The following GSTO2 variants were observed in gnomAD, a reference collection of about 807,000 sequenced individuals.
The protein encoded by GSTO2 is glutathione S-transferase omega-2.
Under a neutral mutation model 28.4 loss-of-function variants are expected in GSTO2, and 23 were observed. The observed-to-expected ratio is 0.81, with a 90% CI of 0.58 to 1.15. The LOEUF is 1.15. GSTO2 is among the 50% of genes most tolerant of loss of function. GSTO2 has a pLI of 0.00. For missense variants in GSTO2, 298 were observed against 297.8 expected, an observed-to-expected ratio of 1.00 and a Z score of 0.00; for synonymous variants, 109 against 111.0, an observed-to-expected ratio of 0.98 and a Z score of 0.11.
intron 5 of GSTO2, among the ~76,000 whole-genome samples, chr10:104,284,838 G>C (rs1212585049): frequency 6.6e-6 from 1 of 152,172 alleles, no homozygotes; most frequent in African/African-American, 2.4e-5. Context: ...TGAGGCTTTG[G>C]AGTTTTGCTT....
chr10:104,297,186 T>C (rs1244855702), intron 5 of GSTO2: 1 of 155,244 alleles, frequency 6.4e-6, no homozygotes, highest in Admixed American at 6.4e-5. Context: ...TGTCTTCAAG[T>C]AATGGGCAGT....
intron 3 of GSTO2, among the ~76,000 whole-genome samples, chr10:104,277,445 G>C (rs995741303): frequency 6.6e-6 from 1 of 152,052 alleles, no homozygotes; most frequent in Non-Finnish European, 1.5e-5. Flanking sequence ...CACCATGCCT[G>C]GCTACTTTTT....
chr10:104,280,009 T>G (rs190188222), intron 5 of GSTO2, among the ~76,000 whole-genome samples: 1 of 151,682 alleles, frequency 6.6e-6, no homozygotes, highest in East Asian at 1.9e-4. Flanking sequence ...CAAAAATAAT[T>G]TTAAAAATTA....
chr10:104,292,943 T>C (rs192724381), intron 5 of GSTO2, among the ~76,000 whole-genome samples: 8 of 152,374 alleles, frequency 5.3e-5, no homozygotes, highest in African/African-American at 1.9e-4. Flanking sequence ...CAGTTTATTT[T>C]GCCTCTGCCT....
rs553572445 is a variant in GSTO2 at position 104,300,460 on chromosome 10, T to C, written c.*1176T>C. On this transcript the variant is annotated 3_prime_UTR_variant, in exon 7 of 7. Transcript: ENST00000338595. ...CCCCCATCTCTCCACTTATCTTGGTTGAGGTTTTAAACCTAGCGCTTTGGA... is the reference window on the plus strand; with the variant it reads ...CCCCCATCTCTCCACTTATCTTGGTCGAGGTTTTAAACCTAGCGCTTTGGA... 1.3e-5 allele frequency: 2 copies of C among 152,420 alleles called. No individual in the cohort carries two copies. The highest frequency in any genetic ancestry group is 4.1e-4 in the South Asian group (2 of 4,830). The allele number at this position is 152,420 out of a possible 1,614,324, so 9.4% of individuals were successfully genotyped here.
chr10:104,279,401 C>T lies in GSTO2; in HGVS notation c.398C>T (p.Ala133Val), dbSNP rs369461491. The T allele has an allele frequency of 7.4e-6, 12 of 1,613,832 alleles. No homozygotes were observed. The highest frequency in any genetic ancestry group is 2.2e-5 in the East Asian group (1 of 44,890). ...CATTTGACCAAGGAGTGCCTGGTAGCGTTGAGATGTGGGAGAGAATGCACT... is the reference window on the plus strand; with the variant it reads ...CATTTGACCAAGGAGTGCCTGGTAGTGTTGAGATGTGGGAGAGAATGCACT... ...VPHLTKECLV[A>V]LRCGRECTNL... The change falls in exon 5 of 7, where the codon GCG becomes GTG. Residue 133 changes from alanine to valine, a missense_variant. Physicochemically the swap from Ala to Val is moderately conservative, Grantham distance 64. Coordinates refer to ENST00000338595, the MANE Select transcript of GSTO2 (RefSeq NM_183239.2).
Position 104,277,821 on chromosome 10 carries a change from G to T in GSTO2, c.144-73G>T, listed in dbSNP as rs1327268761. ...TTTAACTTTTAAACTGATTGCTTCT[G>T]CTTTCAAGAAGAGTGCCTGCCTGCA... On this transcript the variant is annotated intron_variant, in intron 3 of 6. Coordinates refer to ENST00000338595, the MANE Select transcript of GSTO2 (RefSeq NM_183239.2). 3.0e-6 allele frequency: 3 copies of T among 995,798 alleles called. No homozygotes were observed. The African/African-American group carries it at 4.8e-5, about 16-fold the overall frequency. 61.7% of individuals were successfully genotyped at this position (995,798 alleles called of 1,614,324 possible). A position where few individuals can be genotyped will look rare whatever the true frequency, so the allele number is the denominator to read the frequency against.
rs750353386 is a variant in GSTO2 at position 104,278,086 on chromosome 10, C to A, written c.336C>A (p.Arg112=). The A allele has an allele frequency of 6.2e-7, 1 of 1,614,020 alleles. No homozygotes were observed. ...CATATGACCCTTATGAACGAGCTCG[C>A]CAAAAGATGTTATTGGAGCTATTTT... ...LFPYDPYERA[R]QKMLLELFCK... The change falls in exon 4 of 7, where the codon CGC becomes CGA. Residue 112 remains arginine (R), a synonymous_variant. Transcript: ENST00000338595.
intron 5 of GSTO2, among the ~76,000 whole-genome samples, chr10:104,293,829 A>T (rs575940477): frequency 6.6e-6 from 1 of 152,232 alleles, no homozygotes; most frequent in East Asian, 1.9e-4. Flanking sequence ...GAAGCTTTTC[A>T]TTAGAGTCTA....
chr10:104,269,986 C>T (rs898585736), intron 1 of GSTO2, among the ~76,000 whole-genome samples: 2 of 151,800 alleles, frequency 1.3e-5, no homozygotes, highest in East Asian at 3.8e-4. Flanking sequence ...TCTCTTTATC[C>T]AACAGCTCTG....
chr10:104,297,736 A>G (rs1353347247), intron 6 of GSTO2, 52 bp downstream of exon 6: 1 of 1,266,540 alleles, frequency 7.9e-7, no homozygotes, highest in South Asian at 1.2e-5. Flanking sequence ...ACTGAGTAAC[A>G]ATGGTTAAGA....
chr10:104,288,556 G>C (rs925065267), intron 5 of GSTO2: 3 of 152,180 alleles, frequency 2.0e-5, no homozygotes, highest in African/African-American at 7.2e-5. Flanking sequence ...AAAGATATTT[G>C]TTTGTTGAAT....
intron 5 of GSTO2, among the ~76,000 whole-genome samples, chr10:104,291,872 G>A (rs2012790560): frequency 1.3e-5 from 2 of 152,294 alleles, no homozygotes; most frequent in African/African-American, 4.8e-5. Context: ...ATACTAAAGG[G>A]GAAGTAATTT....
intron 5 of GSTO2, among the ~76,000 whole-genome samples, chr10:104,288,825 TG>T (rs2012603425): frequency 6.6e-6 from 1 of 152,242 alleles, no homozygotes; most frequent in Admixed American, 6.5e-5. Context: ...AACACATTTT[TG>T]TTTTCTTTTG....
intron 5 of GSTO2, among the ~76,000 whole-genome samples, chr10:104,283,720 T>C (rs569683806): frequency 3.9e-4 from 60 of 152,358 alleles, no homozygotes; most frequent in African/African-American, 1.3e-3. Context: ...TCTGTTCCTT[T>C]AAATGCCAAA....
chr10:104,299,119 G>C lies in GSTO2; in HGVS notation c.576-9G>C. The C allele has an allele frequency of 6.2e-7, 1 of 1,612,194 alleles. No individual in the cohort carries two copies. Among genetic ancestry groups the C allele is most frequent in the Middle Eastern group, 1.7e-4 (1 of 5,840 alleles). ...TGCACTGTGCTGACGCTTCTTTCCTGTCTTGCAGCTGTGTGAGCCACACGC... is the reference window on the plus strand; with the variant it reads ...TGCACTGTGCTGACGCTTCTTTCCTCTCTTGCAGCTGTGTGAGCCACACGC... On this transcript the variant is annotated splice_polypyrimidine_tract_variant and intron_variant, in intron 6 of 6. Transcript: ENST00000338595.
rs559530662 is a variant in GSTO2 at position 104,300,650 on chromosome 10, G to A, written c.*1366G>A. Reference sequence around the variant, plus strand: ...GCCTGCACTATGGGAGGGGGACCAAGTTTGTCCAATGCTGTTTCATCTCAG... The same window carrying A: ...GCCTGCACTATGGGAGGGGGACCAAATTTGTCCAATGCTGTTTCATCTCAG... On this transcript the variant is annotated 3_prime_UTR_variant, in exon 7 of 7. Coordinates refer to ENST00000338595, the MANE Select transcript of GSTO2 (RefSeq NM_183239.2). The A allele has an allele frequency of 2.0e-5, 3 of 152,446 alleles. No individual in the cohort carries two copies. Among genetic ancestry groups the A allele is most frequent in the Middle Eastern group, 3.4e-3 (1 of 296 alleles). 9.4% of individuals were successfully genotyped at this position (152,446 alleles called of 1,614,324 possible). A position where few individuals can be genotyped will look rare whatever the true frequency, so the allele number is the denominator to read the frequency against.
intron 1 of GSTO2, among the ~76,000 whole-genome samples, chr10:104,272,478 C>T (rs756654731): frequency 5.9e-5 from 9 of 151,824 alleles, no homozygotes; most frequent in Admixed American, 6.6e-5. Flanking sequence ...AGTCAAACTT[C>T]CAGGGTTCCT....
chr10:104,279,267 C>T, intron 4 of GSTO2, 103 bp from the exon 5 acceptor site: 1 of 895,284 alleles, frequency 1.1e-6, no homozygotes, highest in Non-Finnish European at 1.8e-6. Flanking sequence ...GTGGGTGTTG[C>T]CCTGTTAGGC....
Sources: allele counts gnomAD v4.1 joint callset (sites outside exome capture counted in the v4.1 genomes callset), GRCh38; gene constraint gnomAD v4.1.1; transcripts MANE v1.5; gene names NCBI Gene and HGNC (gene_info 2026-07-23, HGNC 2026-07-21).